The following AUTS2 variants were observed in gnomAD, a reference collection of about 807,000 sequenced individuals.
AUTS2 encodes autism susceptibility gene 2 protein.
AUTS2 carries 17 observed loss-of-function variants against 112.4 expected under a neutral mutation model. That is an observed-to-expected ratio of 0.15 (90% CI 0.10 to 0.23). The LOEUF (loss-of-function observed/expected upper bound fraction) is 0.23. Ranked by LOEUF, AUTS2 falls within the 10% of genes least tolerant of loss-of-function variation. The pLI is 1.00. For synonymous variants in AUTS2, 751 were observed against 702.7 expected, an observed-to-expected ratio of 1.07 and a Z score of -1.09; for missense variants, 1,510 against 1,701.6, an observed-to-expected ratio of 0.89 and a Z score of 1.98.
intron 4 of AUTS2, among the ~76,000 whole-genome samples, chr7:70,178,506 A>C (rs1809116784): frequency 1.3e-5 from 2 of 152,144 alleles, no homozygotes; most frequent in Non-Finnish European, 2.9e-5. Context: ...TGGGCTTTTA[A>C]TAGATCCTAC....
At chr7:69,896,404 G>T (rs1562956148) in intron 1 of AUTS2, among the ~76,000 whole-genome samples, 1 of 152,106 alleles carries the variant, frequency 6.6e-6, no homozygotes, top group Non-Finnish European at 1.5e-5. Flanking sequence ...TGGAAGTTAG[G>T]CCAGAAGCTG....
At chr7:69,953,322 T>A (rs1399103197) in intron 2 of AUTS2, among the ~76,000 whole-genome samples, 1 of 152,222 alleles carries the variant, frequency 6.6e-6, no homozygotes, top group Non-Finnish European at 1.5e-5. Context: ...CCCTGCCATT[T>A]AGCCTAGATT....
intron 4 of AUTS2, among the ~76,000 whole-genome samples, chr7:70,344,606 T>C (rs558849861): frequency 1.8e-4 from 28 of 152,306 alleles, no homozygotes; most frequent in African/African-American, 6.0e-4. Flanking sequence ...CTAAATTCAG[T>C]GACCTTATTT....
chr7:70,656,285 C>A (rs1448525672), intron 5 of AUTS2, among the ~76,000 whole-genome samples: 1 of 151,906 alleles, frequency 6.6e-6, no homozygotes, highest in Non-Finnish European at 1.5e-5. Flanking sequence ...GATTACTTTT[C>A]TGGAACAGAT....
chr7:70,415,552 A>G (rs1479361380), intron 4 of AUTS2, among the ~76,000 whole-genome samples: 1 of 151,548 alleles, frequency 6.6e-6, no homozygotes, highest in South Asian at 2.1e-4. Context: ...TCATGCAGAC[A>G]AAAAAAAAGT....
intron 4 of AUTS2, among the ~76,000 whole-genome samples, chr7:70,318,635 T>C (rs1312390212): frequency 1.3e-5 from 2 of 152,196 alleles, no homozygotes; most frequent in Non-Finnish European, 2.9e-5. Flanking sequence ...GGACCATGAG[T>C]TCTGTCTAGC....
intron 18 of AUTS2, among the ~76,000 whole-genome samples, chr7:70,789,059 T>C (rs780772062): frequency 4.6e-5 from 7 of 152,244 alleles, no homozygotes; most frequent in Non-Finnish European, 1.0e-4. Context: ...CTGCTTTTCC[T>C]ACTGCCTTCC....
chr7:69,822,307 G>C (rs1352116436), intron 1 of AUTS2, among the ~76,000 whole-genome samples: 1 of 152,156 alleles, frequency 6.6e-6, no homozygotes, highest in Non-Finnish European at 1.5e-5. Context: ...AGGATATGTA[G>C]CTTGGAGACA....
intron 2 of AUTS2, among the ~76,000 whole-genome samples, chr7:70,115,415 T>TC (rs1170682423): frequency 1.3e-5 from 2 of 152,144 alleles, no homozygotes; most frequent in African/African-American, 2.4e-5. Flanking sequence ...GCTCAGGTGA[T>TC]CCCCCCGCTT....
intron 4 of AUTS2, among the ~76,000 whole-genome samples, chr7:70,391,980 C>A (rs530948441): frequency 1.3e-5 from 2 of 152,308 alleles, no homozygotes; most frequent in South Asian, 4.1e-4. Flanking sequence ...CCTAGTCACA[C>A]CAGCCCCCAC....
At chr7:70,636,461 A>C (rs1805537936) in intron 5 of AUTS2, among the ~76,000 whole-genome samples, 1 of 152,170 alleles carries the variant, frequency 6.6e-6, no homozygotes, top group South Asian at 2.1e-4. Flanking sequence ...CAGCCATGGC[A>C]AGGTGGAAAC....
At chr7:69,921,930 G>A (rs927511083) in intron 2 of AUTS2, among the ~76,000 whole-genome samples, 2 of 151,820 alleles carry the variant, frequency 1.3e-5, no homozygotes, top group Admixed American at 6.6e-5. Context: ...TGGGCATGGT[G>A]GCACATGCCT....
chr7:70,150,721 A>G (rs562218475), intron 4 of AUTS2, among the ~76,000 whole-genome samples: 1 of 152,354 alleles, frequency 6.6e-6, no homozygotes, highest in African/African-American at 2.4e-5. Flanking sequence ...TTCTGTGGAT[A>G]TAGCAGCAGT....
At chr7:70,680,860 G>A (rs746044057) in intron 5 of AUTS2, among the ~76,000 whole-genome samples, 11 of 152,178 alleles carry the variant, frequency 7.2e-5, no homozygotes, top group South Asian at 4.1e-4. Flanking sequence ...CAGCACAACC[G>A]AAAGTCTTGT....
At chr7:69,788,898 T>C (rs1584248875) in intron 1 of AUTS2, among the ~76,000 whole-genome samples, 1 of 152,276 alleles carries the variant, frequency 6.6e-6, no homozygotes, top group East Asian at 1.9e-4. Context: ...CTCTGACGCG[T>C]CTAGCACTCT....
intron 5 of AUTS2, among the ~76,000 whole-genome samples, chr7:70,462,914 C>T (rs925246595): frequency 4.0e-5 from 6 of 151,840 alleles, no homozygotes; most frequent in African/African-American, 1.2e-4. Context: ...CCCGAGATTG[C>T]GCCACTGCAC....
chr7:70,109,288 A>G (rs558875954), intron 2 of AUTS2, among the ~76,000 whole-genome samples: 24 of 152,338 alleles, frequency 1.6e-4, no homozygotes, highest in Non-Finnish European at 2.1e-4. Flanking sequence ...AAGAAAGCTG[A>G]AAACTGTACT....
At chr7:70,315,478 T>C (rs191403924) in intron 4 of AUTS2, among the ~76,000 whole-genome samples, 114 of 152,304 alleles carry the variant, frequency 7.5e-4, no homozygotes, top group Admixed American at 7.1e-3. Context: ...GCAGAGTGCC[T>C]TAGGTCACTG....
chr7:70,159,376 T>A (rs1807956909), intron 4 of AUTS2, among the ~76,000 whole-genome samples: 1 of 152,328 alleles, frequency 6.6e-6, no homozygotes, highest in Middle Eastern at 3.4e-3. Flanking sequence ...TAAACTTCTC[T>A]GATTTTGTAT....
Sources: allele counts gnomAD v4.1 joint callset (sites outside exome capture counted in the v4.1 genomes callset), GRCh38; gene constraint gnomAD v4.1.1; transcripts MANE v1.5; gene names NCBI Gene and HGNC (gene_info 2026-07-23, HGNC 2026-07-21).